Variants in LAMA3 observed in about 807,000 individuals in gnomAD.
The protein encoded by LAMA3 is laminin subunit alpha-3.
Under a neutral mutation model 402.0 loss-of-function variants are expected in LAMA3, and 281 were observed. That is an observed-to-expected ratio of 0.70 (90% CI 0.63 to 0.77). The LOEUF (loss-of-function observed/expected upper bound fraction) is 0.77. Among genes scored for constraint, LAMA3 ranks in the 30% least tolerant of loss-of-function variants. The pLI is 0.00. For synonymous variants in LAMA3, 1,431 were observed against 1,558.4 expected, an observed-to-expected ratio of 0.92 and a Z score of 1.93; for missense variants, 3,840 against 4,215.5, an observed-to-expected ratio of 0.91 and a Z score of 2.47.
rs763515755 is a variant in LAMA3 at position 23,943,951 on chromosome 18, A to C, written c.9190A>C (p.Asn3064His). The C allele has an allele frequency of 3.1e-6, 5 of 1,614,080 alleles. No homozygotes were observed. The highest frequency in any genetic ancestry group is 8.5e-7 in the Non-Finnish European group (1 of 1,179,950). Residue 3064 changes from asparagine (N) to histidine (H), a missense_variant, in exon 69 of 75, where the codon AAT becomes CAT. By Grantham distance (68) the Asn-to-His change is moderately conservative. Around this residue, in one of 3 missense-constraint regions of LAMA3, gnomAD observed 840 missense variants for 981.9 expected, o/e 0.86. Transcript: ENST00000313654. The part of the protein sequence containing the change: ...KLRIKSKEKC[N>H]DGKWHTVVFG... ...GAGGATCAAAAGCAAGGAGAAATGC[A>C]ATGATGGGAAATGGCACACGGTAAG... is the stretch of plus-strand genomic sequence containing the variant.
Position 23,914,475 on chromosome 18 carries a change from G to T in LAMA3, c.7395G>T (p.Gly2465=), listed in dbSNP as rs762122584. 2 of 1,614,086 alleles carry T rather than the reference G, an allele frequency of 1.2e-6. No individual in the cohort carries two copies. Among genetic ancestry groups the T allele is most frequent in the Admixed American group, 3.3e-5 (2 of 60,010 alleles). ...DGQLTCVYNL[G]DREAELQVDQ... ...AGCTCACCTGTGTCTACAACCTGGG[G>T]GACCGTGAGGCTGAACTCCAAGTGG... Residue 2465 remains glycine, a synonymous_variant, in exon 57 of 75, where the codon GGG becomes GGT. Transcript: ENST00000313654.
At chr18:23,884,249 T>C (rs960210755) in intron 40 of LAMA3, among the ~76,000 whole-genome samples, 1 of 152,244 alleles carries the variant, frequency 6.6e-6, no homozygotes, top group Admixed American at 6.5e-5. Flanking sequence ...GCAATGATTG[T>C]GCCCACAGAA....
At chr18:23,945,769 A>C (rs1428753734) in intron 69 of LAMA3, among the ~76,000 whole-genome samples, 2 of 152,100 alleles carry the variant, frequency 1.3e-5, no homozygotes, top group African/African-American at 4.8e-5. Flanking sequence ...CGACTCCAAC[A>C]CACCCCCGTC....
At chr18:23,815,815 G>C (rs565294378) in intron 17 of LAMA3, among the ~76,000 whole-genome samples, 23 of 152,276 alleles carry the variant, frequency 1.5e-4, no homozygotes, top group African/African-American at 5.5e-4. Context: ...ACATAACTGG[G>C]ATGGGAGGGC....
rs117011111 is a variant in LAMA3 at position 23,707,149 on chromosome 18, T to G, written c.295-6771T>G. The stretch of plus-strand genomic sequence containing the variant: ...GGTTGACTGGGTTCAGCTGGTTGAT[T>G]CTTCTGCTCCATGGGTTGTCAGTTG... On this transcript the variant is annotated intron_variant, in intron 1 of 74. Coordinates refer to ENST00000313654, the MANE Select transcript of LAMA3 (RefSeq NM_198129.4). Among the ~76,000 whole-genome samples, 678 of 152,358 alleles carry G rather than the reference T, an allele frequency of 4.5e-3. 9 individuals carry two copies. Among genetic ancestry groups the G allele is most frequent in the Admixed American group, 0.031 (467 of 15,300 alleles).
chr18:23,876,418 T>G lies in LAMA3; in HGVS notation c.5112+11T>G. The G allele has an allele frequency of 6.5e-7, 1 of 1,538,908 alleles. No homozygotes were observed. Among genetic ancestry groups the G allele is most frequent in the Non-Finnish European group, 9.0e-7 (1 of 1,111,430 alleles). On this transcript the variant is annotated intron_variant, in intron 39 of 74. Transcript: ENST00000313654. ...TCAGGCATATGTGTTGTGAGTAAAT[T>G]GACACTTTAATGCTATCAGCAGACA...
chr18:23,906,343 C>A (rs1463020257), intron 52 of LAMA3, among the ~76,000 whole-genome samples: 1 of 152,148 alleles, frequency 6.6e-6, no homozygotes, highest in African/African-American at 2.4e-5. Context: ...AAAATCTTTG[C>A]AACTAAAAGT....
intron 10 of LAMA3, 68 bp from the exon 11 acceptor site, chr18:23,777,489 C>T: frequency 9.2e-7 from 1 of 1,089,822 alleles, no homozygotes; most frequent in Non-Finnish European, 1.4e-6. Flanking sequence ...CTAGTTAGTA[C>T]AACTTAATGT....
intron 2 of LAMA3, among the ~76,000 whole-genome samples, chr18:23,731,881 A>G (rs1053598508): frequency 1.3e-5 from 2 of 152,180 alleles, no homozygotes; most frequent in Non-Finnish European, 2.9e-5. Flanking sequence ...CCATGTAACA[A>G]ACCTACACAT....
intron 40 of LAMA3, among the ~76,000 whole-genome samples, chr18:23,884,028 G>A (rs2144942110): frequency 6.6e-6 from 1 of 150,784 alleles, no homozygotes; most frequent in South Asian, 2.1e-4. Context: ...AGACAACAGG[G>A]CTTTTTCATG....
intron 8 of LAMA3, among the ~76,000 whole-genome samples, chr18:23,766,067 A>G (rs2062069833): frequency 6.6e-6 from 1 of 152,166 alleles, no homozygotes. Flanking sequence ...ATAGTAGGAA[A>G]TACCTCAAAT....
At chr18:23,773,705 G>T in intron 9 of LAMA3, 118 bp downstream of exon 9, 1 of 725,926 alleles carries the variant, frequency 1.4e-6, no homozygotes, top group Non-Finnish European at 2.5e-6. Flanking sequence ...CAGAGTATTA[G>T]TTGTGCTCGC....
intron 1 of LAMA3, among the ~76,000 whole-genome samples, chr18:23,707,011 G>C (rs755526331): frequency 1.2e-4 from 18 of 152,224 alleles, no homozygotes; most frequent in Non-Finnish European, 1.3e-4. Flanking sequence ...CCTGGAGGCA[G>C]AGGTTGCAGT....
rs2063594423 is a variant in LAMA3, at chr18:23,836,972, C to G, written c.2985-9C>G. ...AGTCAGGCTAAGAAAACTCTGTTTT[C>G]TCTTGCAGTGTTCTCTGCCGGAGTG... On this transcript the variant is annotated splice_polypyrimidine_tract_variant and intron_variant, in intron 24 of 74. Transcript: ENST00000313654. 2 of 1,609,062 alleles carry G rather than the reference C, an allele frequency of 1.2e-6. No homozygotes were observed. The highest frequency in any genetic ancestry group is 1.7e-6 in the Non-Finnish European group (2 of 1,176,144).
At chr18:23,929,002 C>A (rs754582478) in intron 64 of LAMA3, among the ~76,000 whole-genome samples, 11 of 152,144 alleles carry the variant, frequency 7.2e-5, no homozygotes, top group Non-Finnish European at 1.5e-4. Flanking sequence ...TGTGTACTCG[C>A]GGACTCATTT....
At chr18:23,831,038 C>T (rs1376423435) in intron 23 of LAMA3, among the ~76,000 whole-genome samples, 1 of 152,144 alleles carries the variant, frequency 6.6e-6, no homozygotes, top group African/African-American at 2.4e-5. Context: ...TTTCCCGCAC[C>T]CAAACTAATC....
chr18:23,713,016 A>G (rs1408435491), intron 1 of LAMA3, among the ~76,000 whole-genome samples: 2 of 152,160 alleles, frequency 1.3e-5, no homozygotes, highest in African/African-American at 4.8e-5. Context: ...AATGGCTGCA[A>G]AACTATGCAA....
At chr18:23,706,810 G>A (rs1029622164) in intron 1 of LAMA3, among the ~76,000 whole-genome samples, 1 of 152,166 alleles carries the variant, frequency 6.6e-6, no homozygotes, top group African/African-American at 2.4e-5. Context: ...CAGGTGCGGT[G>A]GCTCACACCT....
At chr18:23,730,500 CG>C (rs2061376030) in intron 2 of LAMA3, among the ~76,000 whole-genome samples, 3 of 151,508 alleles carry the variant, frequency 2.0e-5, no homozygotes, top group Admixed American at 6.6e-5. Flanking sequence ...CCTGAGTAGC[CG>C]GGATTACAGG....
Sources: gnomAD v4.1 joint callset for allele counts (sites outside exome capture counted in the v4.1 genomes callset) on GRCh38, gnomAD v4.1.1 for gene constraint, gnomAD v4.1.1 regional missense constraint, MANE v1.5 for transcripts, NCBI Gene and HGNC (gene_info 2026-07-23, HGNC 2026-07-21) for gene names.